DCAF7: variants seen among roughly 807,000 people sequenced by gnomAD.
The protein encoded by DCAF7 is DDB1 and CUL4 associated factor 7, also known as DDB1- and CUL4-associated factor 7.
Under a neutral mutation model 41.2 loss-of-function variants are expected in DCAF7, and 4 were observed. The observed-to-expected ratio is 0.10, with a 90% CI of 0.05 to 0.22. The LOEUF is 0.22. DCAF7 is among the 10% of genes least tolerant of loss of function. The probability of loss-of-function intolerance (pLI) is 1.00; values close to 1 mark genes in which losing one functional copy is unlikely to be tolerated. For synonymous variants in DCAF7, 143 were observed against 164.2 expected (o/e 0.87, Z 0.99); for missense variants, 131 against 443.2 (o/e 0.30, Z 6.32).
rs543058675 is a variant in DCAF7 at position 63,578,883 on chromosome 17, T to C, written c.297+255T>C. 3.3e-5 allele frequency among the ~76,000 whole-genome samples: 5 copies of C among 152,288 alleles called. No homozygotes were observed. The South Asian group carries it at 1.0e-3, about 32-fold the overall frequency. On this transcript the variant is annotated intron_variant, in intron 2 of 6. Coordinates refer to ENST00000614556, the MANE Select transcript of DCAF7 (RefSeq NM_005828.5). ...CCGAGGTGATGATGACGGCCTTCAGTGGAGGTGGGAATACTTGGGAACTCA... is the reference window on the plus strand; with the variant it reads ...CCGAGGTGATGATGACGGCCTTCAGCGGAGGTGGGAATACTTGGGAACTCA...
At chr17:63,558,448 T>C (rs2033333880) in intron 1 of DCAF7, among the ~76,000 whole-genome samples, 1 of 152,162 alleles carries the variant, frequency 6.6e-6, no homozygotes, top group African/African-American at 2.4e-5. Context: ...ACTCGAAAAA[T>C]GGGAAGGTAT....
In DCAF7 at chr17:63,589,500, G is replaced by A. The variant is rs1391376691; in HGVS notation, c.*328G>A. Reference sequence around the variant, plus strand: ...GAGGAGCAGTTCACGCACTGGCTGTGTCTATTCCTCTGCCCAGGTGTCTCT... The same window carrying A: ...GAGGAGCAGTTCACGCACTGGCTGTATCTATTCCTCTGCCCAGGTGTCTCT... On this transcript the variant is annotated 3_prime_UTR_variant, in exon 7 of 7. Transcript: ENST00000614556. The A allele has an allele frequency of 2.7e-6, 1 of 376,386 alleles. No individual in the cohort carries two copies. Among genetic ancestry groups the A allele is most frequent in the Non-Finnish European group, 5.1e-6 (1 of 194,320 alleles). 23.3% of individuals were successfully genotyped at this position (376,386 alleles called of 1,614,324 possible). A position where few individuals can be genotyped will look rare whatever the true frequency, so the allele number is the denominator to read the frequency against.
chr17:63,581,305 T>C (rs1369013644), intron 4 of DCAF7, among the ~76,000 whole-genome samples: 3 of 152,330 alleles, frequency 2.0e-5, no homozygotes, highest in South Asian at 4.1e-4. Flanking sequence ...TGGGAACTAC[T>C]CTTAAGTATT....
chr17:63,584,883 T>C (rs2033661250), intron 5 of DCAF7, among the ~76,000 whole-genome samples: 1 of 152,236 alleles, frequency 6.6e-6, no homozygotes, highest in Admixed American at 6.5e-5. Context: ...CAGATTCTGC[T>C]TTGGCTGGGC....
chr17:63,551,482 G>A (rs1030643409), intron 1 of DCAF7, among the ~76,000 whole-genome samples: 1 of 152,054 alleles, frequency 6.6e-6, no homozygotes, highest in Non-Finnish European at 1.5e-5. Context: ...GGCTTGTTTC[G>A]TGCTAGTACA....
intron 1 of DCAF7, among the ~76,000 whole-genome samples, chr17:63,568,607 A>G (rs920302677): frequency 6.6e-6 from 1 of 152,100 alleles, no homozygotes; most frequent in African/African-American, 2.4e-5. Flanking sequence ...TGTTTTTGTT[A>G]TTTTCTTGGC....
At chr17:63,565,811 C>T (rs552675521) in intron 1 of DCAF7, among the ~76,000 whole-genome samples, 6 of 152,242 alleles carry the variant, frequency 3.9e-5, no homozygotes, top group African/African-American at 1.4e-4. Flanking sequence ...CAAATGTACT[C>T]AGCCTCTGGC....
intron 5 of DCAF7, among the ~76,000 whole-genome samples, chr17:63,584,597 A>G (rs1281811679): frequency 6.6e-6 from 1 of 151,782 alleles, no homozygotes; most frequent in Admixed American, 6.6e-5. Context: ...CGTCTCTGCT[A>G]AAAAAATACA....
chr17:63,584,368 T>C (rs2033655319), intron 5 of DCAF7, among the ~76,000 whole-genome samples: 1 of 151,882 alleles, frequency 6.6e-6, no homozygotes, highest in African/African-American at 2.4e-5. Context: ...TTCGGGAGGC[T>C]GAGGCAAGAG....
intron 1 of DCAF7, chr17:63,573,431 G>C (rs867844598): frequency 9.2e-5 from 14 of 151,924 alleles, no homozygotes; most frequent in East Asian, 3.9e-4. Context: ...CCTTCTTTAT[G>C]TAATATTTTC....
Position 63,589,278 on chromosome 17 carries a change from T to G in DCAF7, c.*106T>G. The G allele has an allele frequency of 6.9e-7, 1 of 1,456,132 alleles. No homozygotes were observed. The highest frequency in any genetic ancestry group is 9.4e-7 in the Non-Finnish European group (1 of 1,058,416). 90.2% of individuals were successfully genotyped at this position (1,456,132 alleles called of 1,614,324 possible). On this transcript the variant is annotated 3_prime_UTR_variant, in exon 7 of 7. Transcript: ENST00000614556. ...TTTCCAGTGGCCAGTATGTCTTTCA[T>G]TGCTTTGCACCCACTGTTACCAGAA... is the stretch of plus-strand genomic sequence containing the variant.
chr17:63,584,727 A>G lies in DCAF7; in HGVS notation c.739-484A>G, dbSNP rs376642303. On this transcript the variant is annotated intron_variant, in intron 5 of 6. Coordinates refer to ENST00000614556, the MANE Select transcript of DCAF7 (RefSeq NM_005828.5). ...CAGTGAGCGGAGATCATGCCACTGC[A>G]CTCCAGCCTGGTGACAGGGCATGCT... 2.0e-5 allele frequency among the ~76,000 whole-genome samples: 3 copies of G among 152,282 alleles called. No individual in the cohort carries two copies. In the South Asian group the frequency reaches 6.2e-4, roughly 32 times the overall value.
At chr17:63,578,890 G>A (rs2033590524) in intron 2 of DCAF7, among the ~76,000 whole-genome samples, 1 of 152,208 alleles carries the variant, frequency 6.6e-6, no homozygotes, top group Admixed American at 6.5e-5. Flanking sequence ...CAGTGGAGGT[G>A]GGAATACTTG....
intron 1 of DCAF7, among the ~76,000 whole-genome samples, chr17:63,560,192 G>A (rs540210950): frequency 5.3e-5 from 8 of 151,998 alleles, no homozygotes; most frequent in East Asian, 1.9e-4. Context: ...ATAAAAAACC[G>A]TGGTAATCTA....
intron 1 of DCAF7, among the ~76,000 whole-genome samples, chr17:63,569,671 G>T (rs1007509075): frequency 1.3e-5 from 2 of 152,122 alleles, no homozygotes; most frequent in African/African-American, 4.8e-5. Context: ...AGTAACAAAT[G>T]TACCTTTTTA....
intron 1 of DCAF7, among the ~76,000 whole-genome samples, chr17:63,564,138 C>T (rs1329646892): frequency 7.5e-6 from 1 of 133,184 alleles, no homozygotes; most frequent in Non-Finnish European, 1.5e-5. Flanking sequence ...TAACTTTATA[C>T]ACACACACAC....
At chr17:63,569,267 C>T (rs1181145349) in intron 1 of DCAF7, among the ~76,000 whole-genome samples, 2 of 151,962 alleles carry the variant, frequency 1.3e-5, no homozygotes, top group Non-Finnish European at 1.5e-5. Flanking sequence ...GGGTCTTGGC[C>T]TAGGTAGATT....
chr17:63,588,557 T>A (rs1348595904), intron 6 of DCAF7, among the ~76,000 whole-genome samples: 1 of 152,042 alleles, frequency 6.6e-6, no homozygotes, highest in Non-Finnish European at 1.5e-5. Context: ...ATATAACACC[T>A]CACTGAAGCA....
chr17:63,582,794 C>T (rs918486801), intron 4 of DCAF7, among the ~76,000 whole-genome samples: 12 of 152,166 alleles, frequency 7.9e-5, no homozygotes, highest in African/African-American at 2.9e-4. Flanking sequence ...CTCTCCGTTG[C>T]TCTCTGCCTC....
Sources: allele counts gnomAD v4.1 joint callset (sites outside exome capture counted in the v4.1 genomes callset), GRCh38; gene constraint gnomAD v4.1.1; transcripts MANE v1.5; gene names NCBI Gene and HGNC (gene_info 2026-07-23, HGNC 2026-07-21).